Variants in CDK14 observed in about 807,000 individuals in gnomAD.
CDK14 encodes cyclin-dependent kinase 14.
A neutral mutation model predicts 60.7 loss-of-function variants in CDK14; 34 were observed. The observed-to-expected ratio is 0.56, with a 90% confidence interval of 0.43 to 0.75. CDK14 has a LOEUF of 0.75. CDK14 is among the 30% of genes least tolerant of loss of function. The probability of loss-of-function intolerance (pLI) is 0.00; values close to 1 mark genes in which losing one functional copy is unlikely to be tolerated. For synonymous variants in CDK14, 197 were observed against 203.7 expected (o/e 0.97, Z 0.28); for missense variants, 482 against 564.1 (o/e 0.85, Z 1.47).
At chr7:90,838,215 G>A (rs1272655063) in intron 5 of CDK14, among the ~76,000 whole-genome samples, 1 of 152,110 alleles carries the variant, frequency 6.6e-6, no homozygotes, top group Non-Finnish European at 1.5e-5. Context: ...AACATAAATT[G>A]TGAAGATTTC....
At chr7:91,031,784 A>G (rs1796767687) in intron 10 of CDK14, among the ~76,000 whole-genome samples, 1 of 152,254 alleles carries the variant, frequency 6.6e-6, no homozygotes, top group Non-Finnish European at 1.5e-5. Flanking sequence ...ATAAGAATAA[A>G]TCACAAACTT....
Position 90,673,110 on chromosome 7 carries a change from C to A in CDK14, c.124-53457C>A, listed in dbSNP as rs188268073. 3.0e-4 allele frequency among the ~76,000 whole-genome samples: 46 copies of A among 152,132 alleles called. No individual in the cohort carries two copies. In the East Asian group the frequency reaches 8.5e-3, roughly 28 times the overall value. ...CTGGAAATTTTCAACTGGTTCCATT[C>A]TAAGGAATTATTAAATTAGTTTCCT... On this transcript the variant is annotated intron_variant, in intron 2 of 14. Transcript: ENST00000380050.
chr7:90,783,830 G>A (rs1375474101), intron 4 of CDK14, among the ~76,000 whole-genome samples: 1 of 152,122 alleles, frequency 6.6e-6, no homozygotes, highest in Non-Finnish European at 1.5e-5. Context: ...CTGTTGGTGG[G>A]AATGTAAATT....
chr7:90,864,606 C>T (rs952185864), intron 6 of CDK14, among the ~76,000 whole-genome samples: 3 of 152,070 alleles, frequency 2.0e-5, no homozygotes, highest in African/African-American at 7.2e-5. Flanking sequence ...AAATCAGTAA[C>T]ATTGGTAAAG....
At chr7:90,600,394 T>C (rs1584732966) in intron 1 of CDK14, among the ~76,000 whole-genome samples, 1 of 152,214 alleles carries the variant, frequency 6.6e-6, no homozygotes, top group South Asian at 2.1e-4. Context: ...ATGATTAAGG[T>C]CAAACTGACA....
At chr7:90,713,416 T>C (rs1802133587) in intron 2 of CDK14, among the ~76,000 whole-genome samples, 1 of 151,984 alleles carries the variant, frequency 6.6e-6, no homozygotes, top group Non-Finnish European at 1.5e-5. Flanking sequence ...GCCTGCTCCT[T>C]CTTAATGGGT....
chr7:90,700,165 C>T (rs1801750340), intron 2 of CDK14, among the ~76,000 whole-genome samples: 1 of 152,120 alleles, frequency 6.6e-6, no homozygotes, highest in Admixed American at 6.6e-5. Flanking sequence ...GTGATCTTGG[C>T]TCACTGCCAC....
chr7:90,780,163 T>C (rs1300537841), intron 4 of CDK14, among the ~76,000 whole-genome samples: 1 of 152,228 alleles, frequency 6.6e-6, no homozygotes, highest in Non-Finnish European at 1.5e-5. Context: ...AATGGTGATA[T>C]TCAAATTCTG....
chr7:90,808,125 A>G (rs1222711131), intron 5 of CDK14, among the ~76,000 whole-genome samples: 1 of 152,204 alleles, frequency 6.6e-6, no homozygotes, highest in African/African-American at 2.4e-5. Context: ...CACCACAAAG[A>G]TACTCCTCGA....
rs756400495 is a variant in CDK14, at chr7:90,644,982, G to A, written c.123+40733G>A. Reference sequence around the variant, plus strand: ...GGTTATGAATTTTAGACATCTTACCGCTAAGAAAAGAAAGTAGATGGCTCT... The same window carrying A: ...GGTTATGAATTTTAGACATCTTACCACTAAGAAAAGAAAGTAGATGGCTCT... On this transcript the variant is annotated intron_variant, in intron 2 of 14. Transcript: ENST00000380050. Among the ~76,000 whole-genome samples, 28 of 152,204 alleles carry A rather than the reference G, an allele frequency of 1.8e-4. No individual in the cohort carries two copies. In the South Asian group the frequency reaches 3.7e-3, roughly 20 times the overall value.
chr7:90,804,703 T>G (rs1788758427), intron 5 of CDK14, among the ~76,000 whole-genome samples: 1 of 152,122 alleles, frequency 6.6e-6, no homozygotes, highest in South Asian at 2.1e-4. Flanking sequence ...TTTTAAAGGA[T>G]AAAGTTTGTT....
At chr7:91,187,901 G>A (rs1414603058) in intron 14 of CDK14, among the ~76,000 whole-genome samples, 2 of 152,198 alleles carry the variant, frequency 1.3e-5, no homozygotes, top group African/African-American at 4.8e-5. Context: ...TCTCCTTACA[G>A]TACGCACGGT....
chr7:91,016,113 G>A (rs1239230727), intron 10 of CDK14, among the ~76,000 whole-genome samples: 1 of 152,106 alleles, frequency 6.6e-6, no homozygotes, highest in Non-Finnish European at 1.5e-5. Flanking sequence ...ATGTTGTGTG[G>A]AGCTACATAG....
At chr7:90,718,112 C>T (rs1802316932) in intron 2 of CDK14, among the ~76,000 whole-genome samples, 1 of 151,978 alleles carries the variant, frequency 6.6e-6, no homozygotes, top group African/African-American at 2.4e-5. Context: ...GCAGGACTAG[C>T]ATTTAGTACA....
chr7:90,676,695 G>A (rs1801206287), intron 2 of CDK14, among the ~76,000 whole-genome samples: 1 of 151,994 alleles, frequency 6.6e-6, no homozygotes, highest in East Asian at 1.9e-4. Flanking sequence ...ACCACACTTG[G>A]TTAGTTTTGC....
At chr7:90,843,409 TTGA>T (rs201446510) in intron 5 of CDK14, among the ~76,000 whole-genome samples, 1,964 of 152,320 alleles carry the variant, frequency 0.013, 29 homozygotes, top group African/African-American at 0.044. Context: ...TTAAAATTAA[TTGA>T]TGATAATCTT....
chr7:90,745,019 C>T (rs977257887), intron 3 of CDK14, among the ~76,000 whole-genome samples: 3 of 152,100 alleles, frequency 2.0e-5, no homozygotes, highest in Non-Finnish European at 4.4e-5. Context: ...TTTTCCATTC[C>T]CCTCTCCCCA....
At chr7:90,681,223 C>T (rs17772667) in intron 2 of CDK14, among the ~76,000 whole-genome samples, 27,103 of 152,104 alleles carry the variant, frequency 0.18, 2,551 homozygotes, top group Non-Finnish European at 0.2. Context: ...TTTGCTTTCC[C>T]GTATTGTTGG....
intron 4 of CDK14, among the ~76,000 whole-genome samples, chr7:90,756,023 A>G (rs1207234119): frequency 2.0e-5 from 3 of 152,210 alleles, no homozygotes; most frequent in Admixed American, 6.5e-5. Flanking sequence ...GAGGTTTAGC[A>G]TCTTGCCTAT....
Sources: gnomAD v4.1 joint callset for allele counts (sites outside exome capture counted in the v4.1 genomes callset) on GRCh38, gnomAD v4.1.1 for gene constraint, MANE v1.5 for transcripts, NCBI Gene and HGNC (gene_info 2026-07-23, HGNC 2026-07-21) for gene names.